Variants in CCDC91 observed in about 807,000 individuals in gnomAD.
CCDC91 encodes coiled-coil domain containing 91.
A neutral mutation model predicts 63.2 loss-of-function variants in CCDC91; 48 were observed. The ratio of observed to expected loss-of-function variants is 0.76; its 90% CI spans 0.60 to 0.97. CCDC91 has a LOEUF of 0.97. CCDC91 is among the 50% of genes least tolerant of loss of function. CCDC91 has a pLI of 0.00. For missense variants in CCDC91, 500 were observed against 494.6 expected, an observed-to-expected ratio of 1.01 and a Z score of -0.10; for synonymous variants, 167 against 165.8, an observed-to-expected ratio of 1.01 and a Z score of -0.06.
chr12:28,394,465 A>C (rs530003039), intron 8 of CCDC91, among the ~76,000 whole-genome samples: 15 of 151,834 alleles, frequency 9.9e-5, no homozygotes, highest in South Asian at 2.1e-4. Context: ...CTGTCTCAAA[A>C]AAACAAACAA....
chr12:28,446,254 C>T (rs944395937), intron 8 of CCDC91, among the ~76,000 whole-genome samples: 2 of 152,134 alleles, frequency 1.3e-5, no homozygotes, highest in African/African-American at 2.4e-5. Context: ...TTGGGAATCT[C>T]CACAACCATG....
chr12:28,216,645 T>C (rs1230289647), intron 1 of CCDC91, among the ~76,000 whole-genome samples: 2 of 145,516 alleles, frequency 1.4e-5, no homozygotes, highest in Non-Finnish European at 3.1e-5. Context: ...TATATAGTTA[T>C]ATATTTTTTA....
chr12:28,465,661 G>A (rs1033861542), intron 11 of CCDC91, among the ~76,000 whole-genome samples: 1 of 152,074 alleles, frequency 6.6e-6, no homozygotes, highest in Non-Finnish European at 1.5e-5. Context: ...TAACATCCAA[G>A]TTCCTTTCAA....
At chr12:28,497,935 TG>T (rs1304153951) in intron 12 of CCDC91, among the ~76,000 whole-genome samples, 1 of 151,588 alleles carries the variant, frequency 6.6e-6, no homozygotes, top group African/African-American at 2.4e-5. Context: ...TCCATTCCTG[TG>T]GTTCACATTT....
chr12:28,360,524 G>A (rs1419726283), intron 6 of CCDC91, among the ~76,000 whole-genome samples: 1 of 152,174 alleles, frequency 6.6e-6, no homozygotes, highest in Non-Finnish European at 1.5e-5. Flanking sequence ...AGGGGAGTGT[G>A]TGGAAGATTG....
intron 12 of CCDC91, among the ~76,000 whole-genome samples, chr12:28,522,937 G>T (rs1167955271): frequency 1.3e-5 from 2 of 152,178 alleles, no homozygotes; most frequent in African/African-American, 4.8e-5. Context: ...TGGTCTGAGA[G>T]ACAGTTTGTT....
chr12:28,260,220 C>A (rs1418340582), intron 3 of CCDC91, among the ~76,000 whole-genome samples: 1 of 151,942 alleles, frequency 6.6e-6, no homozygotes. Context: ...ATGATTTTAT[C>A]ATCCATTTAT....
At chr12:28,400,960 G>A (rs577796608) in intron 8 of CCDC91, among the ~76,000 whole-genome samples, 73 of 152,208 alleles carry the variant, frequency 4.8e-4, no homozygotes, top group African/African-American at 1.7e-3. Context: ...ACATCTTCCT[G>A]GCTCCTGAGT....
At chr12:28,407,020 C>T (rs1267879071) in intron 8 of CCDC91, among the ~76,000 whole-genome samples, 1 of 152,060 alleles carries the variant, frequency 6.6e-6, no homozygotes, top group African/African-American at 2.4e-5. Context: ...TGATTTAGTA[C>T]CATCCCCTTG....
chr12:28,397,130 A>C (rs996464821), intron 8 of CCDC91, among the ~76,000 whole-genome samples: 5 of 152,190 alleles, frequency 3.3e-5, no homozygotes, highest in African/African-American at 1.2e-4. Flanking sequence ...AGATAGTAGG[A>C]AACCCAGAAA....
intron 7 of CCDC91, among the ~76,000 whole-genome samples, chr12:28,366,211 T>A (rs1008342179): frequency 6.6e-6 from 1 of 152,118 alleles, no homozygotes; most frequent in Non-Finnish European, 1.5e-5. Context: ...TCCCTGAAAG[T>A]AAGACAGAAA....
At chr12:28,363,903 AAAG>A (rs1229657564) in intron 7 of CCDC91, among the ~76,000 whole-genome samples, 2 of 151,080 alleles carry the variant, frequency 1.3e-5, no homozygotes, top group Non-Finnish European at 3.0e-5. Context: ...AAAAAAGAAA[AAAG>A]AAAAATCATT....
intron 1 of CCDC91, chr12:28,236,201 T>A (rs1236826583): frequency 6.6e-6 from 1 of 152,084 alleles, no homozygotes; most frequent in Non-Finnish European, 1.5e-5. Flanking sequence ...GAATTTTTTT[T>A]AATACAAGTA....
intron 1 of CCDC91, among the ~76,000 whole-genome samples, chr12:28,246,147 C>T (rs1163540597): frequency 6.6e-6 from 1 of 152,158 alleles, no homozygotes; most frequent in Admixed American, 6.5e-5. Context: ...AATTGACATA[C>T]TGCAGGATAC....
intron 12 of CCDC91, among the ~76,000 whole-genome samples, chr12:28,544,781 C>A (rs189362986): frequency 6.6e-6 from 1 of 152,082 alleles, no homozygotes; most frequent in Admixed American, 6.6e-5. Context: ...CATCATATTG[C>A]ATTTTAATGA....
chr12:28,456,466 A>G (rs1037524114), intron 11 of CCDC91, among the ~76,000 whole-genome samples: 18 of 152,148 alleles, frequency 1.2e-4, no homozygotes, highest in African/African-American at 4.1e-4. Flanking sequence ...GACAAAAGTG[A>G]TATGAGAGAA....
intron 1 of CCDC91, among the ~76,000 whole-genome samples, chr12:28,200,806 G>A (rs1015908044): frequency 1.3e-4 from 19 of 151,940 alleles, no homozygotes; most frequent in African/African-American, 3.4e-4. Context: ...TCCCAGACGG[G>A]GTGGTGGCCG....
At chr12:28,230,953 C>G (rs1254759194) in intron 1 of CCDC91, among the ~76,000 whole-genome samples, 2 of 152,146 alleles carry the variant, frequency 1.3e-5, no homozygotes, top group African/African-American at 2.4e-5. Context: ...TTACAGTGTT[C>G]AAGCTAGGTT....
At chr12:28,461,841 A>T (rs550350291) in intron 11 of CCDC91, among the ~76,000 whole-genome samples, 1 of 152,178 alleles carries the variant, frequency 6.6e-6, no homozygotes, top group East Asian at 1.9e-4. Context: ...GGAACATAGT[A>T]TGTGTTGTTC....
Sources: gnomAD v4.1 joint callset for allele counts (sites outside exome capture counted in the v4.1 genomes callset) on GRCh38, gnomAD v4.1.1 for gene constraint, MANE v1.5 for transcripts, NCBI Gene and HGNC (gene_info 2026-07-23, HGNC 2026-07-21) for gene names.